Variants in NKAIN2 observed in about 807,000 individuals in gnomAD.
The protein encoded by NKAIN2 is sodium/potassium transporting ATPase interacting 2.
NKAIN2 carries 14 observed loss-of-function variants against 32.6 expected under a neutral mutation model. The observed-to-expected ratio is 0.43, with a 90% CI of 0.28 to 0.67. NKAIN2 has a LOEUF of 0.67. NKAIN2 is among the 30% of genes least tolerant of loss of function. NKAIN2 has a pLI of 0.17. For synonymous variants in NKAIN2, 80 were observed against 87.2 expected (o/e 0.92, Z 0.46); for missense variants, 198 against 258.3 (o/e 0.77, Z 1.60).
intron 5 of NKAIN2, among the ~76,000 whole-genome samples, chr6:124,801,016 A>G (rs1021011410): frequency 6.6e-6 from 1 of 152,176 alleles, no homozygotes; most frequent in Non-Finnish European, 1.5e-5. Context: ...ACAGTCACAC[A>G]TCCATACACC....
intron 3 of NKAIN2, among the ~76,000 whole-genome samples, chr6:124,478,417 G>A (rs1179972295): frequency 6.6e-6 from 1 of 152,154 alleles, no homozygotes; most frequent in Non-Finnish European, 1.5e-5. Flanking sequence ...TTCTAGATGT[G>A]CAACAGGGAA....
chr6:124,773,913 T>G (rs903271103), intron 4 of NKAIN2, among the ~76,000 whole-genome samples: 4 of 152,028 alleles, frequency 2.6e-5, no homozygotes, highest in African/African-American at 9.7e-5. Flanking sequence ...TATTTTCAAG[T>G]AATAACAAGG....
chr6:124,499,727 G>A (rs903827458), intron 3 of NKAIN2, among the ~76,000 whole-genome samples: 2 of 152,128 alleles, frequency 1.3e-5, no homozygotes, highest in African/African-American at 4.8e-5. Context: ...AGCTCTGTGA[G>A]GATTTATATG....
At chr6:124,657,786 T>C (rs10872289) in intron 3 of NKAIN2, among the ~76,000 whole-genome samples, 59,698 of 151,614 alleles carry the variant, frequency 0.39, 11,927 homozygotes, top group African/African-American at 0.46. Flanking sequence ...AGTAAACATT[T>C]TGAGAGAAAA....
At chr6:123,839,605 G>A (rs1774782636) in intron 1 of NKAIN2, among the ~76,000 whole-genome samples, 2 of 151,794 alleles carry the variant, frequency 1.3e-5, no homozygotes, top group African/African-American at 4.8e-5. Flanking sequence ...TTTTCACTTT[G>A]GCTGTTAACT....
intron 3 of NKAIN2, among the ~76,000 whole-genome samples, chr6:124,641,109 T>G (rs1783970331): frequency 1.3e-5 from 2 of 152,122 alleles, no homozygotes; most frequent in South Asian, 4.1e-4. Context: ...TTCGTACATA[T>G]AAAGAGGTAC....
At position 124,291,172 on chromosome 6, in the gene NKAIN2, A is replaced by AT. The variant is rs567017235; in HGVS notation, c.192+8037dup. Among the ~76,000 whole-genome samples the AT allele has an allele frequency of 7.9e-5, 12 of 152,150 alleles. No homozygotes were observed. In the South Asian group the frequency reaches 8.3e-4, roughly 11 times the overall value. On this transcript the variant is annotated intron_variant, in intron 2 of 6. Coordinates refer to ENST00000368417, the MANE Select transcript of NKAIN2 (RefSeq NM_001040214.3). ...GGTGCAGAATTCAGGGTTGAAAATC[A>AT]TTTTTTTCTTAGAACACTGAAGTAA... is the stretch of plus-strand genomic sequence containing the variant.
intron 3 of NKAIN2, among the ~76,000 whole-genome samples, chr6:124,360,501 A>G (rs145270310): frequency 7.2e-4 from 110 of 152,308 alleles, no homozygotes; most frequent in African/African-American, 2.6e-3. Flanking sequence ...ACATAGAGGT[A>G]TAGTTAATAT....
chr6:123,897,549 A>G (rs1185653782), intron 1 of NKAIN2, among the ~76,000 whole-genome samples: 1 of 152,072 alleles, frequency 6.6e-6, no homozygotes, highest in African/African-American at 2.4e-5. Context: ...TGCTCCTTGG[A>G]CTGATAACAC....
intron 3 of NKAIN2, among the ~76,000 whole-genome samples, chr6:124,420,161 G>T (rs1162378356): frequency 6.6e-6 from 1 of 152,026 alleles, no homozygotes; most frequent in Non-Finnish European, 1.5e-5. Context: ...GGCTTTTGAT[G>T]ACAGCTTATG....
intron 1 of NKAIN2, among the ~76,000 whole-genome samples, chr6:123,962,049 AT>A (rs942870710): frequency 1.3e-5 from 2 of 152,114 alleles, no homozygotes; most frequent in African/African-American, 2.4e-5. Context: ...CTGGATGTTA[AT>A]TTTTTTAAGA....
intron 1 of NKAIN2, among the ~76,000 whole-genome samples, chr6:124,039,077 T>G (rs1262240865): frequency 2.0e-5 from 3 of 152,126 alleles, no homozygotes; most frequent in African/African-American, 7.2e-5. Context: ...CTTTTTAACA[T>G]CTGTTTTAAA....
chr6:124,778,429 T>G (rs1422715121), intron 4 of NKAIN2, among the ~76,000 whole-genome samples: 1 of 152,146 alleles, frequency 6.6e-6, no homozygotes, highest in Non-Finnish European at 1.5e-5. Flanking sequence ...ATTATCAAAT[T>G]ATTTTTCTTC....
intron 4 of NKAIN2, among the ~76,000 whole-genome samples, chr6:124,693,491 C>G (rs746995332): frequency 2.0e-5 from 3 of 152,222 alleles, no homozygotes; most frequent in Non-Finnish European, 4.4e-5. Flanking sequence ...TGGAGAGAGG[C>G]ATTTAAACCA....
At chr6:124,323,890 C>T (rs1021397866) in intron 2 of NKAIN2, among the ~76,000 whole-genome samples, 6 of 150,068 alleles carry the variant, frequency 4.0e-5, no homozygotes, top group Non-Finnish European at 8.8e-5. Context: ...TGGGTACATG[C>T]CATTCTCCTG....
intron 1 of NKAIN2, among the ~76,000 whole-genome samples, chr6:124,036,513 T>C (rs1781610273): frequency 6.6e-6 from 1 of 152,132 alleles, no homozygotes; most frequent in South Asian, 2.1e-4. Flanking sequence ...ATAGTATCTT[T>C]AGAACCAAGA....
intron 1 of NKAIN2, among the ~76,000 whole-genome samples, chr6:123,811,950 A>T (rs1313442993): frequency 6.6e-6 from 1 of 152,204 alleles, no homozygotes; most frequent in Non-Finnish European, 1.5e-5. Flanking sequence ...TTTACAAACA[A>T]GTCAACATTG....
rs879554301 is a variant in NKAIN2 at position 124,583,416 on chromosome 6, G to T, written c.274-74770G>T. Among the ~76,000 whole-genome samples the T allele has an allele frequency of 3.9e-4, 60 of 151,956 alleles. 1 individual carries two copies. Among genetic ancestry groups the T allele is most frequent in the Admixed American group, 3.3e-3 (50 of 15,262 alleles). ...ATACCTAGGAATTGACTTAACCAAA[G>T]AAATGAAAGGCTTACACAATGAAAA... is the stretch of plus-strand genomic sequence containing the variant. On this transcript the variant is annotated intron_variant, in intron 3 of 6. Transcript: ENST00000368417.
chr6:124,522,828 A>AG (rs563898474), intron 3 of NKAIN2, among the ~76,000 whole-genome samples: 72 of 152,210 alleles, frequency 4.7e-4, no homozygotes, highest in Non-Finnish European at 8.5e-4. Flanking sequence ...ATGTTTTATG[A>AG]GGTTTTTTTG....
Sources: allele counts gnomAD v4.1 joint callset (sites outside exome capture counted in the v4.1 genomes callset), GRCh38; gene constraint gnomAD v4.1.1; transcripts MANE v1.5; gene names NCBI Gene and HGNC (gene_info 2026-07-23, HGNC 2026-07-21).